The following CDC73 variants were observed in gnomAD, a reference collection of about 807,000 sequenced individuals.
CDC73 encodes cell division cycle 73, also known as parafibromin.
In CDC73, 21 loss-of-function variants were observed where a neutral mutation model predicts 83.7. The ratio of observed to expected loss-of-function variants is 0.25; its 90% CI spans 0.18 to 0.36. The LOEUF is 0.36. Ranked by LOEUF, CDC73 falls within the 10% of genes least tolerant of loss-of-function variation. The pLI is 1.00. For missense variants in CDC73, 342 were observed against 653.3 expected, an observed-to-expected ratio of 0.52 and a Z score of 5.19; for synonymous variants, 224 against 212.9, an observed-to-expected ratio of 1.05 and a Z score of -0.45.
chr1:193,135,974 T>TC (rs576321348), intron 5 of CDC73, among the ~76,000 whole-genome samples: 16 of 151,596 alleles, frequency 1.1e-4, no homozygotes, highest in African/African-American at 3.4e-4. Flanking sequence ...GTTTAAGTGA[T>TC]CCCCCCACCT....
intron 10 of CDC73, among the ~76,000 whole-genome samples, chr1:193,157,181 G>A (rs138450247): frequency 3.3e-5 from 5 of 152,192 alleles, no homozygotes; most frequent in African/African-American, 9.6e-5. Context: ...TGGGGAGAGA[G>A]TGGGGAGTAG....
chr1:193,212,317 T>G, intron 12 of CDC73, 73 bp from the exon 13 acceptor site: 2 of 1,012,868 alleles, frequency 2.0e-6, no homozygotes, highest in Non-Finnish European at 3.0e-6. Flanking sequence ...TTTATAATCT[T>G]TTAACTTTTA....
At chr1:193,161,797 C>T (rs71522460) in intron 10 of CDC73, among the ~76,000 whole-genome samples, 3 of 4,536 alleles carry the variant, frequency 6.6e-4, no homozygotes, top group Non-Finnish European at 1.2e-3. Flanking sequence ...TAATATATAT[C>T]ATATTATATT....
In CDC73 at chr1:193,138,208, T is replaced by C. The variant is rs191498906; in HGVS notation, c.512+35T>C. 3,300 of 1,286,690 alleles carry C rather than the reference T, an allele frequency of 2.6e-3. 15 individuals are homozygous for C. Among genetic ancestry groups the C allele is most frequent in the South Asian group, 9.6e-3 (808 of 84,442 alleles). The allele number at this position is 1,286,690 out of a possible 1,614,324, so 79.7% of individuals were successfully genotyped here. On this transcript the variant is annotated intron_variant, in intron 6 of 16. Transcript: ENST00000367435. ...CTTTTTAAGTAGAAAGTAGGTAGTT[T>C]AGATATATGTAAAAGTATAAGGAAA...
chr1:193,242,136 C>A (rs981352756), intron 15 of CDC73, among the ~76,000 whole-genome samples: 1 of 146,104 alleles, frequency 6.8e-6, no homozygotes, highest in Non-Finnish European at 1.6e-5. Context: ...GTGCTTCCCC[C>A]ACCCCGACTT....
At chr1:193,148,643 T>A (rs1468367816) in intron 8 of CDC73, among the ~76,000 whole-genome samples, 3 of 134,670 alleles carry the variant, frequency 2.2e-5, no homozygotes, top group Admixed American at 2.2e-4. Context: ...TTTATAATTT[T>A]TTTTTTTTTT....
At chr1:193,176,518 A>G (rs1358160895) in intron 10 of CDC73, among the ~76,000 whole-genome samples, 1 of 152,200 alleles carries the variant, frequency 6.6e-6, no homozygotes, top group Non-Finnish European at 1.5e-5. Flanking sequence ...AGCAGCAAAC[A>G]ATTTTATTAC....
chr1:193,130,039 AT>A, intron 2 of CDC73, 134 bp from the exon 3 acceptor site: 2 of 635,288 alleles, frequency 3.1e-6, no homozygotes, highest in Non-Finnish European at 5.6e-6. Flanking sequence ...TAGCCTAGTC[AT>A]TTTTTACAAA....
At chr1:193,222,222 C>A (rs531796042) in intron 13 of CDC73, among the ~76,000 whole-genome samples, 1 of 152,208 alleles carries the variant, frequency 6.6e-6, no homozygotes, top group South Asian at 2.1e-4. Flanking sequence ...ATGTTGGCAG[C>A]CACATGGGGC....
chr1:193,235,413 C>T (rs1329947013), intron 14 of CDC73, among the ~76,000 whole-genome samples: 2 of 152,238 alleles, frequency 1.3e-5, no homozygotes, highest in Non-Finnish European at 2.9e-5. Flanking sequence ...CGCATAAAGT[C>T]CTTAAAATGG....
chr1:193,136,099 T>C (rs541048296), intron 5 of CDC73, among the ~76,000 whole-genome samples: 2 of 152,290 alleles, frequency 1.3e-5, no homozygotes, highest in East Asian at 3.9e-4. Flanking sequence ...GAATTCTTTC[T>C]TTATGAAAGG....
chr1:193,230,703 G>A (rs1036310916), intron 13 of CDC73, among the ~76,000 whole-genome samples: 10 of 151,932 alleles, frequency 6.6e-5, no homozygotes, highest in Non-Finnish European at 2.9e-5. Context: ...CTTTCATAGT[G>A]GTACAATATA....
At chr1:193,235,485 GT>G (rs1015217891) in intron 14 of CDC73, among the ~76,000 whole-genome samples, 1 of 152,140 alleles carries the variant, frequency 6.6e-6, no homozygotes, top group African/African-American at 2.4e-5. Flanking sequence ...TGCTGATAAT[GT>G]TGTTGTTTTG....
At chr1:193,220,149 A>T (rs1677440936) in intron 13 of CDC73, among the ~76,000 whole-genome samples, 1 of 151,182 alleles carries the variant, frequency 6.6e-6, no homozygotes, top group South Asian at 2.1e-4. Flanking sequence ...GTAAAGTAAC[A>T]ATGATAACTT....
intron 13 of CDC73, among the ~76,000 whole-genome samples, chr1:193,230,373 CT>C (rs1442491836): frequency 6.6e-6 from 1 of 151,574 alleles, no homozygotes; most frequent in Non-Finnish European, 1.5e-5. Context: ...TCTCGAACCC[CT>C]GACCTCAAAT....
intron 8 of CDC73, among the ~76,000 whole-genome samples, chr1:193,149,036 T>G (rs2103131343): frequency 6.6e-6 from 1 of 152,318 alleles, no homozygotes; most frequent in Admixed American, 6.5e-5. Context: ...TTGTTGGAAT[T>G]TAACTTTTAA....
chr1:193,157,228 T>G (rs1676223106), intron 10 of CDC73, among the ~76,000 whole-genome samples: 1 of 152,162 alleles, frequency 6.6e-6, no homozygotes, highest in African/African-American at 2.4e-5. Flanking sequence ...GTATATATTT[T>G]AAGGATGCTT....
At chr1:193,244,566 A>G (rs1361225339) in intron 15 of CDC73, among the ~76,000 whole-genome samples, 1 of 152,018 alleles carries the variant, frequency 6.6e-6, no homozygotes, top group Non-Finnish European at 1.5e-5. Context: ...CAACCAACCA[A>G]ACAAACAAAG....
intron 10 of CDC73, among the ~76,000 whole-genome samples, chr1:193,160,074 T>C (rs529552794): frequency 3.9e-5 from 6 of 152,324 alleles, no homozygotes; most frequent in Admixed American, 2.6e-4. Flanking sequence ...GTTGATACAT[T>C]TTGTGTAAGC....
Sources: gnomAD v4.1 joint callset for allele counts (sites outside exome capture counted in the v4.1 genomes callset) on GRCh38, gnomAD v4.1.1 for gene constraint, MANE v1.5 for transcripts, NCBI Gene and HGNC (gene_info 2026-07-23, HGNC 2026-07-21) for gene names.